PLCE1: variants seen among roughly 807,000 people sequenced by gnomAD.
PLCE1 encodes phospholipase C epsilon 1.
A neutral mutation model predicts 242.8 loss-of-function variants in PLCE1; 119 were observed. The observed-to-expected ratio is 0.49, with a 90% CI of 0.42 to 0.57. The LOEUF (loss-of-function observed/expected upper bound fraction) is 0.57. PLCE1 is among the 20% of genes least tolerant of loss of function. The pLI is 0.00. For synonymous variants in PLCE1, 945 were observed against 1,017.4 expected, an observed-to-expected ratio of 0.93 and a Z score of 1.35; for missense variants, 2,441 against 2,788.8, an observed-to-expected ratio of 0.88 and a Z score of 2.81.
intron 24 of PLCE1, among the ~76,000 whole-genome samples, chr10:94,301,304 A>C (rs2053029719): frequency 1.3e-5 from 2 of 152,102 alleles, no homozygotes; most frequent in African/African-American, 4.8e-5. Flanking sequence ...AGATCGCGCC[A>C]CTGCACTTCA....
At chr10:94,294,202 A>G (rs1312784542) in intron 23 of PLCE1, among the ~76,000 whole-genome samples, 1 of 152,208 alleles carries the variant, frequency 6.6e-6, no homozygotes, top group Non-Finnish European at 1.5e-5. Flanking sequence ...GGCACCTTGG[A>G]ACATTCTTGG....
intron 3 of PLCE1, among the ~76,000 whole-genome samples, chr10:94,157,869 T>C (rs1001790521): frequency 1.3e-5 from 2 of 152,166 alleles, no homozygotes; most frequent in African/African-American, 4.8e-5. Flanking sequence ...TGGGCTGATG[T>C]GGCACTGGTT....
At chr10:94,285,660 G>A (rs375278938) in intron 22 of PLCE1, among the ~76,000 whole-genome samples, 153 of 152,186 alleles carry the variant, frequency 1.0e-3, no homozygotes, top group African/African-American at 3.1e-3. Flanking sequence ...AGAACTTCCC[G>A]CAGAAGTGTC....
intron 4 of PLCE1, among the ~76,000 whole-genome samples, chr10:94,200,736 G>A (rs1489757947): frequency 1.3e-5 from 2 of 152,168 alleles, no homozygotes; most frequent in African/African-American, 4.8e-5. Context: ...ACCTCAGCCA[G>A]GTGATCAAGG....
intron 28 of PLCE1, among the ~76,000 whole-genome samples, chr10:94,313,856 A>G (rs1564888263): frequency 6.6e-6 from 1 of 152,154 alleles, no homozygotes; most frequent in East Asian, 1.9e-4. Context: ...ACGTGGACCA[A>G]GGAGACATTT....
intron 6 of PLCE1, among the ~76,000 whole-genome samples, chr10:94,234,782 C>A (rs1028482191): frequency 3.9e-5 from 6 of 152,068 alleles, no homozygotes; most frequent in African/African-American, 1.5e-4. Flanking sequence ...GGCTCCTGAT[C>A]CTCAGAGCCT....
At chr10:94,238,275 A>T (rs779364150) in intron 7 of PLCE1, among the ~76,000 whole-genome samples, 7 of 152,196 alleles carry the variant, frequency 4.6e-5, no homozygotes, top group Non-Finnish European at 1.0e-4. Context: ...ACAAAAAACA[A>T]ACTTCAAGAT....
intron 23 of PLCE1, among the ~76,000 whole-genome samples, chr10:94,294,452 A>C (rs2052739438): frequency 6.6e-6 from 1 of 152,198 alleles, no homozygotes. Context: ...TTTTTAAGAT[A>C]ATCCAAATGG....
chr10:94,043,510 A>T (rs1306752456), intron 2 of PLCE1, among the ~76,000 whole-genome samples: 1 of 152,182 alleles, frequency 6.6e-6, no homozygotes, highest in Admixed American at 6.5e-5. Context: ...AAATGGTGAC[A>T]CTTTAATAGT....
chr10:94,293,351 A>T (rs1195916228), intron 22 of PLCE1, among the ~76,000 whole-genome samples, 157 bp from the exon 23 acceptor site: 1 of 152,210 alleles, frequency 6.6e-6, no homozygotes, highest in Non-Finnish European at 1.5e-5. Context: ...AATTGCCTAC[A>T]ATGCTATTAT....
At chr10:94,159,446 A>T (rs1419786028) in intron 3 of PLCE1, among the ~76,000 whole-genome samples, 1 of 149,846 alleles carries the variant, frequency 6.7e-6, no homozygotes, top group Non-Finnish European at 1.5e-5. Flanking sequence ...GAAGAAATCA[A>T]TATTCTTCTC....
At chr10:94,124,760 A>G (rs562981069) in intron 2 of PLCE1, among the ~76,000 whole-genome samples, 1 of 152,334 alleles carries the variant, frequency 6.6e-6, no homozygotes, top group Admixed American at 6.5e-5. Context: ...CAAATGATCA[A>G]TTTCATGAAA....
chr10:94,255,811 A>G (rs2051052264), intron 11 of PLCE1, among the ~76,000 whole-genome samples: 1 of 151,606 alleles, frequency 6.6e-6, no homozygotes, highest in African/African-American at 2.4e-5. Context: ...TGTATCCCAC[A>G]TTAAAGTTTA....
intron 4 of PLCE1, among the ~76,000 whole-genome samples, chr10:94,218,979 A>T (rs1273924782): frequency 6.8e-6 from 1 of 147,594 alleles, no homozygotes; most frequent in Non-Finnish European, 1.5e-5. Flanking sequence ...ATAATTAATT[A>T]TAGTTATATA....
At chr10:94,034,624 C>T (rs530023815) in intron 2 of PLCE1, among the ~76,000 whole-genome samples, 2 of 152,258 alleles carry the variant, frequency 1.3e-5, no homozygotes, top group Admixed American at 1.3e-4. Flanking sequence ...TGACCCCATT[C>T]ATTGATGCTC....
At chr10:94,145,415 A>G (rs937563812) in intron 3 of PLCE1, among the ~76,000 whole-genome samples, 1 of 152,122 alleles carries the variant, frequency 6.6e-6, no homozygotes, top group Non-Finnish European at 1.5e-5. Flanking sequence ...CCCATGCCAT[A>G]CTCACTGATG....
At chr10:94,292,648 G>GCT (rs2052681036) in intron 22 of PLCE1, among the ~76,000 whole-genome samples, 2 of 152,140 alleles carry the variant, frequency 1.3e-5, no homozygotes, top group South Asian at 4.1e-4. Flanking sequence ...CAAAGTCTAT[G>GCT]CTCTTAAACA....
intron 4 of PLCE1, among the ~76,000 whole-genome samples, chr10:94,197,214 C>G (rs750183933): frequency 2.0e-5 from 3 of 152,108 alleles, no homozygotes; most frequent in Non-Finnish European, 4.4e-5. Context: ...TGTGCGTATA[C>G]CACATATTGT....
chr10:94,217,469 A>G (rs1477300020), intron 4 of PLCE1, among the ~76,000 whole-genome samples: 1 of 152,214 alleles, frequency 6.6e-6, no homozygotes, highest in East Asian at 1.9e-4. Context: ...ACCCTATTCT[A>G]GGGCCATCAA....
Sources: allele counts gnomAD v4.1 joint callset (sites outside exome capture counted in the v4.1 genomes callset), GRCh38; gene constraint gnomAD v4.1.1; transcripts MANE v1.5; gene names NCBI Gene and HGNC (gene_info 2026-07-23, HGNC 2026-07-21).